Variants in MAP3K5 observed in about 807,000 individuals in gnomAD.
The protein encoded by MAP3K5 is mitogen-activated protein kinase kinase kinase 5, also known as ASK-1.
A neutral mutation model predicts 158.7 loss-of-function variants in MAP3K5; 56 were observed. The ratio of observed to expected loss-of-function variants is 0.35; its 90% confidence interval spans 0.28 to 0.44. The LOEUF (loss-of-function observed/expected upper bound fraction) is 0.44, where lower values mean the gene tolerates loss of function less well. Among genes scored for constraint, MAP3K5 ranks in the 20% least tolerant of loss-of-function variants. MAP3K5 has a pLI of 1.00. For missense variants in MAP3K5, 1,294 were observed against 1,674.8 expected, an observed-to-expected ratio of 0.77 and a Z score of 3.97; for synonymous variants, 579 against 601.7, an observed-to-expected ratio of 0.96 and a Z score of 0.55.
chr6:136,639,297 A>G (rs1336982218), intron 13 of MAP3K5, among the ~76,000 whole-genome samples: 5 of 152,192 alleles, frequency 3.3e-5, no homozygotes, highest in Non-Finnish European at 5.9e-5. Context: ...ATTAACCAAT[A>G]AGTCTTAGTT....
At chr6:136,692,510 G>GC (rs1197176444) in intron 7 of MAP3K5, among the ~76,000 whole-genome samples, 14 of 152,110 alleles carry the variant, frequency 9.2e-5, no homozygotes, top group Non-Finnish European at 1.9e-4. Flanking sequence ...CCTATGCGGT[G>GC]CCCTTCATCC....
chr6:136,626,790 C>A (rs1043341601), intron 14 of MAP3K5, among the ~76,000 whole-genome samples: 7 of 150,312 alleles, frequency 4.7e-5, no homozygotes, highest in Non-Finnish European at 7.4e-5. Context: ...AAAAAAAAAA[C>A]CAACTTTCAA....
chr6:136,709,296 G>A (rs143737964), intron 2 of MAP3K5, among the ~76,000 whole-genome samples: 445 of 152,246 alleles, frequency 2.9e-3, no homozygotes, highest in Non-Finnish European at 5.0e-3. Flanking sequence ...TATGAATTAG[G>A]GGTAGATATA....
At chr6:136,616,601 C>T (rs1051242024) in intron 15 of MAP3K5, among the ~76,000 whole-genome samples, 14 of 152,058 alleles carry the variant, frequency 9.2e-5, no homozygotes, top group Admixed American at 2.6e-4. Context: ...GCCAACAAAC[C>T]TGGCTTATAA....
rs200492399 is a variant in MAP3K5, at chr6:136,658,293, TTTTCTTTC to T, written c.1526+918_1526+925del. ...CTAATAAAAATTCTTTTTCTTTTTC[TTTTCTTTC>T]TTTCTTTCTTTCTTTTTTTTTTTTT... On this transcript the variant is annotated intron_variant, in intron 9 of 29. Coordinates refer to ENST00000359015, the MANE Select transcript of MAP3K5 (RefSeq NM_005923.4). Among the ~76,000 whole-genome samples, 894 of 132,302 alleles carry T rather than the reference TTTTCTTTC, an allele frequency of 6.8e-3. 30 individuals are homozygous for T. Among genetic ancestry groups the T allele is most frequent in the Middle Eastern group, 0.012 (3 of 250 alleles). 86.8% of individuals were successfully genotyped at this position (132,302 alleles called of 152,430 possible).
At chr6:136,602,394 C>T (rs754015467) in intron 19 of MAP3K5, among the ~76,000 whole-genome samples, 12 of 152,122 alleles carry the variant, frequency 7.9e-5, no homozygotes, top group Non-Finnish European at 1.3e-4. Flanking sequence ...TCTCGACCTC[C>T]CAGGCTCAAG....
chr6:136,791,270 G>A (rs576775145), intron 1 of MAP3K5, among the ~76,000 whole-genome samples: 2 of 152,302 alleles, frequency 1.3e-5, no homozygotes, highest in Non-Finnish European at 2.9e-5. Context: ...TGCATGGTAT[G>A]TCATCGTTCC....
In MAP3K5 at chr6:136,611,370, A is replaced by G; in HGVS notation, c.2433T>C (p.Ile811=). Residue 811 remains isoleucine, a synonymous_variant, in exon 18 of 30, where the codon ATT becomes ATC. Coordinates refer to ENST00000359015, the MANE Select transcript of MAP3K5 (RefSeq NM_005923.4). The stretch of plus-strand genomic sequence containing the variant: ...TCTTGAGAACACCACTGTAGGTATT[A>G]ATCAACACATTGTCACCCTAGAGAA... ...HRDIKGDNVL[I]NTYSGVLKIS... is the part of the protein sequence containing the mutation. 6.2e-7 allele frequency: 1 copy of G among 1,603,142 alleles called. No individual in the cohort carries two copies.
chr6:136,787,433 T>A (rs1439167277), intron 1 of MAP3K5, among the ~76,000 whole-genome samples: 1 of 152,210 alleles, frequency 6.6e-6, no homozygotes, highest in African/African-American at 2.4e-5. Context: ...GATTCATTTG[T>A]CTTAATAATG....
chr6:136,590,528 A>G (rs1371978573), intron 23 of MAP3K5, among the ~76,000 whole-genome samples: 3 of 149,746 alleles, frequency 2.0e-5, no homozygotes, highest in African/African-American at 7.4e-5. Context: ...GAGTTTGCAC[A>G]TTTTCTTTTC....
At chr6:136,792,539 ACCCGCCGCGCCGCGCCGCGC>A (rs1484266342), upstream of MAP3K5, 3 of 157,732 alleles carry the variant, frequency 1.9e-5, no homozygotes, top group African/African-American at 1.2e-4. The surrounding 1 kb of genome is among the most constrained non-coding windows in gnomAD (Gnocchi z 5.7). Flanking sequence ...CGCCCTCGCC[ACCCGCCGCGCCGCGCCGCGC>A]CGCGCCGCGC....
intron 23 of MAP3K5, among the ~76,000 whole-genome samples, chr6:136,588,583 C>T (rs1483340393): frequency 6.6e-6 from 1 of 152,150 alleles, no homozygotes; most frequent in Non-Finnish European, 1.5e-5. Context: ...GCCACAGCAT[C>T]CCCAGCACAT....
chr6:136,625,642 A>G (rs1358343643), intron 14 of MAP3K5, among the ~76,000 whole-genome samples: 1 of 152,248 alleles, frequency 6.6e-6, no homozygotes, highest in Non-Finnish European at 1.5e-5. Context: ...TGAGCCTGGG[A>G]TATCCCTGGA....
rs561908976 is a variant in MAP3K5, at chr6:136,667,357, A to G, written c.1366+1926T>C. ...AATTTAGTCTTAGACACAAAATTTT[A>G]TTATAATCATAATTTCTGAACAGCA... On this transcript the variant is annotated intron_variant, in intron 8 of 29. Transcript: ENST00000359015. Among the ~76,000 whole-genome samples, 14 of 152,318 alleles carry G rather than the reference A, an allele frequency of 9.2e-5. No individual in the cohort carries two copies. The South Asian group carries it at 2.9e-3, about 32-fold the overall frequency.
At chr6:136,637,173 AC>A (rs1229248204) in intron 14 of MAP3K5, 151 bp downstream of exon 14, 2 of 1,332,572 alleles carry the variant, frequency 1.5e-6, no homozygotes, top group Non-Finnish European at 2.0e-6. Flanking sequence ...GCCCCTTTTT[AC>A]CAAAGGAATT....
chr6:136,725,349 C>T (rs1253324342), intron 1 of MAP3K5, among the ~76,000 whole-genome samples: 3 of 152,204 alleles, frequency 2.0e-5, no homozygotes, highest in Non-Finnish European at 4.4e-5. Context: ...AGCTGTCCAA[C>T]ATCTTTGTCA....
At chr6:136,745,479 G>A (rs1376940903) in intron 1 of MAP3K5, among the ~76,000 whole-genome samples, 6 of 152,134 alleles carry the variant, frequency 3.9e-5, no homozygotes, top group African/African-American at 1.4e-4. Flanking sequence ...GGCTGCTGTG[G>A]CAGGGAGGAG....
chr6:136,640,276 T>A (rs1583321779), intron 12 of MAP3K5, among the ~76,000 whole-genome samples: 1 of 152,360 alleles, frequency 6.6e-6, no homozygotes. Flanking sequence ...CCACACTATG[T>A]AATTCTGCTG....
At chr6:136,573,547 A>T (rs1449227045) in intron 25 of MAP3K5, among the ~76,000 whole-genome samples, 11 of 152,238 alleles carry the variant, frequency 7.2e-5, no homozygotes, top group Admixed American at 7.2e-4. Context: ...GGGTAAATAA[A>T]GTACATTTGC....
Sources: allele counts gnomAD v4.1 joint callset (sites outside exome capture counted in the v4.1 genomes callset), GRCh38; gene constraint gnomAD v4.1.1; non-coding constraint Gnocchi (gnomAD v3.1); transcripts MANE v1.5; gene names NCBI Gene and HGNC (gene_info 2026-07-23, HGNC 2026-07-21).